Variants in DMD observed in about 807,000 individuals in gnomAD.
DMD encodes dystrophin, also known as mutant dystrophin.
In DMD, 63 loss-of-function variants were observed where a neutral mutation model predicts 330.1. The observed-to-expected ratio is 0.19, with a 90% CI of 0.16 to 0.24. DMD has a LOEUF of 0.24. Ranked by LOEUF, DMD falls within the 10% of genes least tolerant of loss-of-function variation. The pLI is 1.00. For synonymous variants in DMD, 1,223 were observed against 959.8 expected (o/e 1.27, Z -5.07); for missense variants, 3,344 against 2,684.1 (o/e 1.25, Z -5.43).
intron 19 of DMD, among the ~76,000 whole-genome samples, chrX:32,494,456 G>A (rs1001525077): frequency 9.0e-6 from 1 of 110,909 alleles, no homozygotes; most frequent in South Asian, 3.8e-4. Context: ...TAAAGAGACC[G>A]GAGTTCAAAT....
At chrX:32,946,357 T>G (rs1227933768) in intron 2 of DMD, among the ~76,000 whole-genome samples, 1 of 111,476 alleles carries the variant, frequency 9.0e-6, no homozygotes, top group Non-Finnish European at 1.9e-5. Flanking sequence ...AAAAACAATG[T>G]ATGTTTACCA....
chrX:32,615,403 AT>A (rs1277089598), intron 11 of DMD, among the ~76,000 whole-genome samples: 2 of 111,226 alleles, frequency 1.8e-5, no homozygotes, highest in Non-Finnish European at 3.8e-5. Flanking sequence ...ACATGGGATA[AT>A]GTTTTGCCTA....
chrX:32,269,793 GGTTTTT>G (rs1301143043), intron 43 of DMD, among the ~76,000 whole-genome samples: 3 of 111,654 alleles, frequency 2.7e-5, no homozygotes, highest in African/African-American at 9.7e-5. Flanking sequence ...ATCACAAACA[GGTTTTT>G]ATTTTGTTTT....
chrX:31,253,581 A>T (rs1399389565), intron 63 of DMD, among the ~76,000 whole-genome samples: 1 of 111,933 alleles, frequency 8.9e-6, no homozygotes, highest in Non-Finnish European at 1.9e-5. Context: ...AGCTGAGGAA[A>T]GAGGTACAAG....
intron 63 of DMD, among the ~76,000 whole-genome samples, chrX:31,233,694 TCTTAA>T (rs2047436946): frequency 8.9e-6 from 1 of 111,954 alleles, no homozygotes; most frequent in Admixed American, 9.5e-5. Flanking sequence ...TTTTAAAAAG[TCTTAA>T]CTTAATTTTC....
At position 33,011,753 on chromosome X, in the gene DMD, T is replaced by A. The variant is rs570741161; in HGVS notation, c.93+8386A>T. The stretch of plus-strand genomic sequence containing the variant: ...TATCTCTGATAGGATGGTACCAGAG[T>A]GTCAATTGTTCTTTTCTAAATAAAA... On this transcript the variant is annotated intron_variant, in intron 2 of 78. Coordinates refer to ENST00000357033, the MANE Select transcript of DMD (RefSeq NM_004006.3). 6.3e-5 allele frequency among the ~76,000 whole-genome samples: 7 copies of A among 111,619 alleles called. No homozygotes were observed. In the South Asian group the frequency reaches 2.6e-3, roughly 41 times the overall value.
intron 44 of DMD, among the ~76,000 whole-genome samples, chrX:32,138,385 C>A: frequency 9.0e-6 from 1 of 111,071 alleles, no homozygotes; most frequent in Admixed American, 9.6e-5. Context: ...ATTCACCTGT[C>A]AAATGAAAAA....
intron 1 of DMD, among the ~76,000 whole-genome samples, chrX:33,104,262 A>G (rs1473495158): frequency 8.9e-6 from 1 of 111,827 alleles, no homozygotes; most frequent in Non-Finnish European, 1.9e-5. Context: ...TAAAATAATA[A>G]TGTAGTGTGT....
chrX:32,601,492 A>T (rs2056201717), intron 12 of DMD, among the ~76,000 whole-genome samples: 2 of 111,820 alleles, frequency 1.8e-5, no homozygotes, highest in African/African-American at 6.5e-5. Context: ...AGCACACTAA[A>T]TGCTTCTCAA....
At chrX:31,267,006 C>A (rs2051222752) in intron 62 of DMD, 1 of 715,212 alleles carries the variant, frequency 1.4e-6, no homozygotes, top group Non-Finnish European at 1.9e-6. Context: ...GCAGACGGGG[C>A]GGGGCCGTGT....
At chrX:32,847,669 G>C (rs1388983592) in intron 3 of DMD, among the ~76,000 whole-genome samples, 1 of 111,309 alleles carries the variant, frequency 9.0e-6, no homozygotes, top group Non-Finnish European at 1.9e-5. Context: ...AATGGATTCT[G>C]TTAGTAGCAG....
chrX:33,010,272 A>T (rs1003036923), intron 2 of DMD, among the ~76,000 whole-genome samples: 1 of 108,478 alleles, frequency 9.2e-6, no homozygotes, highest in East Asian at 2.9e-4. Flanking sequence ...ATATGTGTGT[A>T]TATGTACATA....
intron 42 of DMD, among the ~76,000 whole-genome samples, chrX:32,293,352 T>A (rs1373396163): frequency 9.0e-6 from 1 of 111,405 alleles, no homozygotes; most frequent in Admixed American, 9.6e-5. Flanking sequence ...TGAACCTATG[T>A]GGAAAGCATG....
At chrX:32,558,945 T>TTTTTTTTTTTTC (rs1450610921) in intron 16 of DMD, among the ~76,000 whole-genome samples, 611 of 40,092 alleles carry the variant, frequency 0.015, 15 homozygotes, top group African/African-American at 0.044. Flanking sequence ...TTTCTTTTTT[T>TTTTTTTTTTTTC]TTTTTTTTTT....
intron 7 of DMD, among the ~76,000 whole-genome samples, chrX:32,766,804 GAT>G (rs1376284749): frequency 1.8e-5 from 2 of 111,567 alleles, no homozygotes; most frequent in Non-Finnish European, 3.8e-5. Context: ...TGAGGTGATA[GAT>G]ATGTTAACTA....
intron 1 of DMD, among the ~76,000 whole-genome samples, chrX:33,067,642 A>G (rs1000172970): frequency 9.0e-6 from 1 of 111,484 alleles, no homozygotes; most frequent in Non-Finnish European, 1.9e-5. Flanking sequence ...GGAGTTCCAG[A>G]CTAGCCTGGC....
At chrX:32,544,199 T>A (rs1480890063) in intron 17 of DMD, among the ~76,000 whole-genome samples, 3 of 111,541 alleles carry the variant, frequency 2.7e-5, no homozygotes, top group Non-Finnish European at 5.6e-5. Context: ...TTTGGAATTA[T>A]CAAAGTAGGT....
At chrX:31,493,846 TAGAC>T (rs987078215) in intron 57 of DMD, among the ~76,000 whole-genome samples, 11 of 111,584 alleles carry the variant, frequency 9.9e-5, no homozygotes, top group African/African-American at 3.6e-4. Flanking sequence ...ATAACAATAG[TAGAC>T]AGTCAAAAAC....
chrX:32,080,662 G>A (rs1603624313), intron 44 of DMD, among the ~76,000 whole-genome samples: 1 of 111,830 alleles, frequency 8.9e-6, no homozygotes, highest in African/African-American at 3.2e-5. Context: ...TGTGATGGAC[G>A]CTGATGAACT....
Sources: allele counts gnomAD v4.1 joint callset (sites outside exome capture counted in the v4.1 genomes callset), GRCh38; gene constraint gnomAD v4.1.1; transcripts MANE v1.5; gene names NCBI Gene and HGNC (gene_info 2026-07-23, HGNC 2026-07-21).